PCSK5: variants seen among roughly 807,000 people sequenced by gnomAD.
PCSK5 encodes the protein proprotein convertase subtilisin/kexin type 5, also known as prohormone convertase 5.
A neutral mutation model predicts 233.2 loss-of-function variants in PCSK5; 129 were observed. That is an observed-to-expected ratio of 0.55 (90% CI 0.48 to 0.64). PCSK5 has a LOEUF of 0.64. Ranked by LOEUF, PCSK5 falls within the 30% of genes least tolerant of loss-of-function variation. The pLI is 0.00. For missense variants in PCSK5, 2,076 were observed against 2,430.1 expected (o/e 0.85, Z 3.06); for synonymous variants, 825 against 879.2 (o/e 0.94, Z 1.09).
chr9:76,235,554 T>G (rs1300435260), intron 22 of PCSK5, among the ~76,000 whole-genome samples: 1 of 152,238 alleles, frequency 6.6e-6, no homozygotes, highest in Non-Finnish European at 1.5e-5. Context: ...ATTTACAAGT[T>G]ACTATGCCCT....
chr9:76,286,134 C>G (rs886497399), intron 24 of PCSK5, among the ~76,000 whole-genome samples: 2 of 152,050 alleles, frequency 1.3e-5, no homozygotes, highest in African/African-American at 2.4e-5. Flanking sequence ...TTTTTTCCTG[C>G]AGGTCATTTT....
At chr9:76,065,571 G>GAA (rs397705217) in intron 5 of PCSK5, among the ~76,000 whole-genome samples, 8 of 151,934 alleles carry the variant, frequency 5.3e-5, no homozygotes, top group African/African-American at 1.9e-4. Flanking sequence ...GTCAGACAGA[G>GAA]TTTGCCGGTA....
At chr9:76,070,019 T>A (rs1314188784) in intron 6 of PCSK5, among the ~76,000 whole-genome samples, 1 of 100,284 alleles carries the variant, frequency 1.0e-5, no homozygotes, top group Non-Finnish European at 2.0e-5. Flanking sequence ...TTTTTTTTTT[T>A]AGACGGAGTC....
chr9:76,158,523 C>T (rs928355), intron 11 of PCSK5, among the ~76,000 whole-genome samples: 76,901 of 151,506 alleles, frequency 0.51, 19,945 homozygotes, highest in East Asian at 0.67. Context: ...TGGTGGGTTA[C>T]AGAGCAAGGG....
chr9:76,134,688 A>C (rs1328003286), intron 10 of PCSK5, among the ~76,000 whole-genome samples: 1 of 152,088 alleles, frequency 6.6e-6, no homozygotes, highest in African/African-American at 2.4e-5. Context: ...AAAGAAAAGC[A>C]GGTAATAATT....
At chr9:75,892,555 C>G (rs1043751552) in intron 1 of PCSK5, among the ~76,000 whole-genome samples, 1 of 152,220 alleles carries the variant, frequency 6.6e-6, no homozygotes, top group Non-Finnish European at 1.5e-5. Context: ...ACGCACCCTG[C>G]GTGCTCTGCC....
In PCSK5 at chr9:76,189,102, G is replaced by C; in HGVS notation, c.2389G>C (p.Ala797Pro). ...RFCATCAGAGADGCINCTEGY... is the reference protein window; with the variant it reads ...RFCATCAGAGPDGCINCTEGY... ...TTTGTCTTGCTTTTAAGGGGCAGGA[G>C]CTGATGGGTGCATTAACTGCACAGA... The change falls in exon 19 of 38, where the codon GCT (alanine) becomes CCT (proline). Residue 797 changes from alanine (A) to proline (P), a missense_variant. Transcript: ENST00000674117. 1 of 1,613,438 alleles carries C rather than the reference G, an allele frequency of 6.2e-7. No individual in the cohort carries two copies.
At chr9:76,233,360 G>A in intron 21 of PCSK5, 100 bp from the exon 22 acceptor site, 1 of 1,216,010 alleles carries the variant, frequency 8.2e-7, no homozygotes, top group Non-Finnish European at 1.2e-6. Context: ...GAACAATGAA[G>A]TCAAATCTGT....
intron 2 of PCSK5, among the ~76,000 whole-genome samples, chr9:75,950,131 TTGTG>T (rs202103747): frequency 4.9e-5 from 3 of 61,570 alleles, no homozygotes; most frequent in Admixed American, 2.0e-4. Context: ...TGGGACACAC[TTGTG>T]TGTGTGTGTG....
In PCSK5 at chr9:76,207,420, GT is replaced by G. The variant is rs376304011; in HGVS notation, c.2626+17675del. On this transcript the variant is annotated intron_variant, in intron 20 of 37. Coordinates refer to ENST00000674117, the MANE Select transcript of PCSK5 (RefSeq NM_001372043.1). The stretch of plus-strand genomic sequence containing the variant: ...GTACACACTAACTCACTGAATAAAT[GT>G]CCGCTGGATTGTTGAATGCTTCCTG... Among the ~76,000 whole-genome samples the G allele has an allele frequency of 2.6e-4, 40 of 152,288 alleles. No homozygotes were observed. In the South Asian group the frequency reaches 2.7e-3, roughly 10 times the overall value.
chr9:76,144,080 G>A (rs1444451837), intron 10 of PCSK5, among the ~76,000 whole-genome samples: 1 of 150,892 alleles, frequency 6.6e-6, no homozygotes, highest in Non-Finnish European at 1.5e-5. Context: ...CAGAATGACA[G>A]AAGCACTTAG....
chr9:75,924,985 G>A (rs937940206), intron 1 of PCSK5, among the ~76,000 whole-genome samples: 30 of 152,222 alleles, frequency 2.0e-4, no homozygotes, highest in Middle Eastern at 6.8e-3. Context: ...GTTGTGAGGC[G>A]GCAGTGAAGT....
At chr9:75,943,602 G>A (rs904882764) in intron 2 of PCSK5, among the ~76,000 whole-genome samples, 3 of 152,100 alleles carry the variant, frequency 2.0e-5, no homozygotes, top group African/African-American at 7.2e-5. Flanking sequence ...ACAAAAGGAG[G>A]CAATAAGACG....
chr9:76,193,409 A>C (rs1824513473), intron 20 of PCSK5: 2 of 894,486 alleles, frequency 2.2e-6, no homozygotes, highest in Non-Finnish European at 2.9e-6. Flanking sequence ...CATATTATTA[A>C]AAAGAAAAAA....
intron 24 of PCSK5, among the ~76,000 whole-genome samples, chr9:76,248,367 G>A (rs1382814718): frequency 6.6e-6 from 1 of 152,108 alleles, no homozygotes; most frequent in Non-Finnish European, 1.5e-5. Context: ...TTAAATGGGT[G>A]ATAATTCCAA....
intron 2 of PCSK5, among the ~76,000 whole-genome samples, chr9:75,933,237 TATTA>T (rs1823890454): frequency 6.6e-6 from 1 of 152,100 alleles, no homozygotes; most frequent in Non-Finnish European, 1.5e-5. Flanking sequence ...TATCTGCCCT[TATTA>T]ATTAAGTTGG....
intron 2 of PCSK5, among the ~76,000 whole-genome samples, chr9:75,941,246 G>GTA (rs760896476): frequency 3.3e-5 from 5 of 152,162 alleles, no homozygotes; most frequent in Admixed American, 6.5e-5. Context: ...TTTTATAAGT[G>GTA]TAATATAACA....
At chr9:76,161,031 C>T (rs1196310332) in intron 12 of PCSK5, among the ~76,000 whole-genome samples, 1 of 152,232 alleles carries the variant, frequency 6.6e-6, no homozygotes, top group Non-Finnish European at 1.5e-5. Context: ...GCCTTGGCCT[C>T]CCAAAGTGCT....
chr9:75,908,869 T>C (rs113139280), intron 1 of PCSK5, among the ~76,000 whole-genome samples: 1 of 119,906 alleles, frequency 8.3e-6, no homozygotes, highest in African/African-American at 3.0e-5. Context: ...ATCCTTCTCT[T>C]TCTATTTATC....
Sources: allele counts gnomAD v4.1 joint callset (sites outside exome capture counted in the v4.1 genomes callset), GRCh38; gene constraint gnomAD v4.1.1; transcripts MANE v1.5; gene names NCBI Gene and HGNC (gene_info 2026-07-23, HGNC 2026-07-21).